Variants in PTPRD observed in about 807,000 individuals in gnomAD.
The protein encoded by PTPRD is receptor-type tyrosine-protein phosphatase delta.
In PTPRD, 34 loss-of-function variants were observed where a neutral mutation model predicts 214.5. The observed-to-expected ratio is 0.16, with a 90% CI of 0.12 to 0.21. The LOEUF (loss-of-function observed/expected upper bound fraction) is 0.21. Among genes scored for constraint, PTPRD ranks in the 10% least tolerant of loss-of-function variants. The pLI is 1.00. For missense variants in PTPRD, 2,545 were observed against 2,398.7 expected (o/e 1.06, Z -1.27); for synonymous variants, 1,128 against 845.7 (o/e 1.33, Z -5.79).
intron 10 of PTPRD, among the ~76,000 whole-genome samples, chr9:9,115,436 C>T (rs1444673749): frequency 1.3e-5 from 2 of 152,086 alleles, no homozygotes; most frequent in African/African-American, 2.4e-5. Flanking sequence ...GAGAGACCAC[C>T]TTACCCCAGC....
chr9:10,198,615 G>T (rs1452161860), intron 3 of PTPRD, among the ~76,000 whole-genome samples: 1 of 151,976 alleles, frequency 6.6e-6, no homozygotes, highest in Non-Finnish European at 1.5e-5. Flanking sequence ...AACATTGAAA[G>T]GATAAAATGA....
intron 2 of PTPRD, among the ~76,000 whole-genome samples, chr9:10,429,120 C>T: frequency 6.6e-6 from 1 of 151,906 alleles, no homozygotes; most frequent in Middle Eastern, 3.4e-3. Flanking sequence ...AAAATAACTA[C>T]AGTATTTAAT....
rs544530967 is a variant in PTPRD at position 8,559,012 on chromosome 9, G to A, written c.353-30233C>T. Among the ~76,000 whole-genome samples the A allele has an allele frequency of 4.2e-5, 6 of 142,552 alleles. No homozygotes were observed. The South Asian group carries it at 1.2e-3, about 30-fold the overall frequency. 93.5% of individuals were successfully genotyped at this position (142,552 alleles called of 152,430 possible). ...ACTGCGTTTAAAATCTGAATGCCTG[G>A]CCTACATTTACATAGTCTAATAGCT... On this transcript the variant is annotated intron_variant, in intron 14 of 45. Coordinates refer to ENST00000381196, the MANE Select transcript of PTPRD (RefSeq NM_002839.4).
At chr9:8,575,807 G>A (rs764813544) in intron 14 of PTPRD, among the ~76,000 whole-genome samples, 3 of 152,148 alleles carry the variant, frequency 2.0e-5, no homozygotes, top group Non-Finnish European at 4.4e-5. Context: ...AGTCATAAAT[G>A]CATTAACTTA....
intron 2 of PTPRD, among the ~76,000 whole-genome samples, chr9:10,433,625 G>T (rs1424399214): frequency 1.3e-5 from 2 of 151,842 alleles, no homozygotes; most frequent in Admixed American, 1.3e-4. Context: ...CTAATTTGGA[G>T]GGTGTGTTTG....
chr9:9,522,021 G>C (rs1236077148), intron 8 of PTPRD, among the ~76,000 whole-genome samples: 3 of 152,008 alleles, frequency 2.0e-5, no homozygotes, highest in African/African-American at 7.3e-5. Context: ...GCCTGGTGTG[G>C]TGGCATACGC....
chr9:8,483,505 C>A (rs905957930), intron 30 of PTPRD, among the ~76,000 whole-genome samples: 4 of 152,156 alleles, frequency 2.6e-5, no homozygotes, highest in African/African-American at 9.7e-5. Context: ...ATAATCCTAG[C>A]ACTTTGGGAG....
intron 11 of PTPRD, among the ~76,000 whole-genome samples, chr9:8,957,736 T>C (rs2099138648): frequency 6.6e-6 from 1 of 151,878 alleles, no homozygotes; most frequent in African/African-American, 2.4e-5. Flanking sequence ...GTTAAAGGAA[T>C]ATAAAGTGAT....
intron 11 of PTPRD, among the ~76,000 whole-genome samples, chr9:9,003,193 G>A (rs898315666): frequency 1.3e-5 from 2 of 151,900 alleles, no homozygotes; most frequent in African/African-American, 2.4e-5. Context: ...ACTTTCAGCT[G>A]GCCTTACTTG....
chr9:9,852,873 A>T (rs983607857), intron 5 of PTPRD, among the ~76,000 whole-genome samples: 1 of 152,180 alleles, frequency 6.6e-6, no homozygotes, highest in African/African-American at 2.4e-5. Flanking sequence ...GCATAAATCT[A>T]CACAATAGCA....
chr9:9,332,832 A>G (rs1265862987), intron 9 of PTPRD, among the ~76,000 whole-genome samples: 1 of 152,024 alleles, frequency 6.6e-6, no homozygotes, highest in Non-Finnish European at 1.5e-5. Flanking sequence ...TTACATGTGG[A>G]AATTCAATTC....
chr9:9,891,013 T>C (rs1308894976), intron 5 of PTPRD, among the ~76,000 whole-genome samples: 1 of 152,136 alleles, frequency 6.6e-6, no homozygotes, highest in Non-Finnish European at 1.5e-5. Flanking sequence ...AAATGCAAGT[T>C]GATTTTTTCC....
intron 3 of PTPRD, among the ~76,000 whole-genome samples, chr9:10,329,960 C>A (rs922776953): frequency 1.3e-5 from 2 of 151,722 alleles, no homozygotes; most frequent in African/African-American, 2.4e-5. Flanking sequence ...ACAGAAAAAT[C>A]TTTTATAGAT....
At chr9:9,331,084 C>T (rs2042138086) in intron 9 of PTPRD, among the ~76,000 whole-genome samples, 3 of 151,892 alleles carry the variant, frequency 2.0e-5, no homozygotes, top group South Asian at 4.2e-4. Flanking sequence ...TGCAGTTGGG[C>T]TGAAATACAG....
intron 8 of PTPRD, among the ~76,000 whole-genome samples, chr9:9,530,219 G>C (rs1343473742): frequency 2.0e-5 from 3 of 152,038 alleles, no homozygotes; most frequent in Non-Finnish European, 4.4e-5. Context: ...CACAAAGTTG[G>C]TCTCTGAAAA....
intron 2 of PTPRD, among the ~76,000 whole-genome samples, chr9:10,446,589 G>C (rs1673555644): frequency 6.6e-6 from 1 of 151,732 alleles, no homozygotes; most frequent in Admixed American, 6.6e-5. Context: ...TTCAAACTGA[G>C]GAGCAAGATA....
intron 3 of PTPRD, among the ~76,000 whole-genome samples, chr9:10,174,919 C>A (rs1338235832): frequency 6.6e-6 from 1 of 151,954 alleles, no homozygotes; most frequent in Non-Finnish European, 1.5e-5. Flanking sequence ...TAATGGTAAT[C>A]AGTAAAATTA....
At chr9:9,326,402 T>C (rs530798261) in intron 9 of PTPRD, among the ~76,000 whole-genome samples, 1 of 152,082 alleles carries the variant, frequency 6.6e-6, no homozygotes, top group South Asian at 2.1e-4. Flanking sequence ...ATATTTGAAA[T>C]AAAAGTTGCT....
Position 10,060,904 on chromosome 9 carries a change from CTTTCT to C in PTPRD, c.-544-27119_-544-27115del, listed in dbSNP as rs1567408539. Among the ~76,000 whole-genome samples, 296 of 68,092 alleles carry C rather than the reference CTTTCT, an allele frequency of 4.3e-3. 3 individuals are homozygous for C. The highest frequency in any genetic ancestry group is 7.3e-3 in the South Asian group (19 of 2,596). 44.7% of individuals were successfully genotyped at this position (68,092 alleles called of 152,430 possible). ...TCCTTCCTTCCTTCCTTCCTTCTTT[CTTTCT>C]TTCTTTCTTTCTTTCTTTCTTTCTT... On this transcript the variant is annotated intron_variant, in intron 3 of 45. Transcript: ENST00000381196.
Sources: allele counts gnomAD v4.1 joint callset (sites outside exome capture counted in the v4.1 genomes callset), GRCh38; gene constraint gnomAD v4.1.1; transcripts MANE v1.5; gene names NCBI Gene and HGNC (gene_info 2026-07-23, HGNC 2026-07-21).